Variants in TJP1 observed in about 807,000 individuals in gnomAD.
The protein encoded by TJP1 is tight junction protein ZO-1.
A neutral mutation model predicts 194.2 loss-of-function variants in TJP1; 43 were observed. The observed-to-expected ratio is 0.22, with a 90% CI of 0.17 to 0.29. The LOEUF is 0.29. Among genes scored for constraint, TJP1 ranks in the 10% least tolerant of loss-of-function variants. The pLI is 1.00. For missense variants in TJP1, 1,971 were observed against 2,185.7 expected (o/e 0.90, Z 1.96); for synonymous variants, 801 against 779.0 (o/e 1.03, Z -0.47).
chr15:29,792,575 G>T (rs1412590749), intron 2 of TJP1, among the ~76,000 whole-genome samples: 1 of 152,146 alleles, frequency 6.6e-6, no homozygotes, highest in Non-Finnish European at 1.5e-5. Context: ...CCTACTCTGG[G>T]TCTTTGTGGT....
At chr15:29,941,137 C>G (rs777269918) in intron 2 of TJP1, among the ~76,000 whole-genome samples, 1 of 152,214 alleles carries the variant, frequency 6.6e-6, no homozygotes, top group African/African-American at 2.4e-5. Context: ...TCTACTTCCA[C>G]CTCTGCAAAT....
chr15:29,861,864 T>C (rs1484775789), intron 2 of TJP1, among the ~76,000 whole-genome samples: 1 of 152,136 alleles, frequency 6.6e-6, no homozygotes, highest in Non-Finnish European at 1.5e-5. Context: ...TTGTACCTAT[T>C]TTTTTTCTTT....
intron 8 of TJP1, among the ~76,000 whole-genome samples, chr15:29,747,323 C>A (rs1266013576): frequency 6.6e-6 from 1 of 152,006 alleles, no homozygotes. Context: ...TGTAAAAGAT[C>A]AAAATTTTTA....
chr15:29,948,260 CAAAA>C (rs35983966), intron 2 of TJP1, among the ~76,000 whole-genome samples: 4 of 95,306 alleles, frequency 4.2e-5, no homozygotes, highest in Admixed American at 1.1e-4. Context: ...CACTCCATCA[CAAAA>C]AAAAAAAAAA....
At chr15:29,807,005 A>G (rs1402120228) in intron 1 of TJP1, among the ~76,000 whole-genome samples, 2 of 152,214 alleles carry the variant, frequency 1.3e-5, no homozygotes, top group Non-Finnish European at 1.5e-5. Flanking sequence ...TAAAATAATG[A>G]TCAAAATAAG....
intron 2 of TJP1, among the ~76,000 whole-genome samples, chr15:29,798,237 C>A (rs2048542259): frequency 6.7e-6 from 1 of 149,936 alleles, no homozygotes; most frequent in African/African-American, 2.4e-5. Context: ...TCCCAAAGTG[C>A]TGGGATTACA....
intron 2 of TJP1, among the ~76,000 whole-genome samples, chr15:29,895,233 G>T (rs1487298884): frequency 6.6e-6 from 1 of 152,146 alleles, no homozygotes; most frequent in African/African-American, 2.4e-5. Context: ...GTTTAGAATT[G>T]TCCAAATATT....
intron 2 of TJP1, among the ~76,000 whole-genome samples, chr15:29,888,232 T>G (rs1330930136): frequency 1.1e-4 from 16 of 152,150 alleles, no homozygotes; most frequent in Admixed American, 7.9e-4. Flanking sequence ...AAATATTTAT[T>G]TAAACACTAT....
At chr15:29,771,697 C>T (rs1162319398) in intron 4 of TJP1, among the ~76,000 whole-genome samples, 1 of 151,470 alleles carries the variant, frequency 6.6e-6, no homozygotes, top group Non-Finnish European at 1.5e-5. Context: ...CCCAGCTACT[C>T]AGGAGGCTGA....
intron 1 of TJP1, among the ~76,000 whole-genome samples, chr15:29,959,532 G>A (rs2056079203): frequency 1.3e-5 from 2 of 152,004 alleles, no homozygotes; most frequent in Non-Finnish European, 2.9e-5. Context: ...CTGCCTTCAG[G>A]AACTCTGGCA....
chr15:29,968,104 G>C (rs1411062580), intron 1 of TJP1: 3 of 985,322 alleles, frequency 3.0e-6, no homozygotes, highest in Non-Finnish European at 3.6e-6. Context: ...CATTACCTCA[G>C]TAACAGTTTC....
intron 18 of TJP1, among the ~76,000 whole-genome samples, chr15:29,723,233 A>G (rs1460607993): frequency 6.6e-6 from 1 of 152,218 alleles, no homozygotes; most frequent in Non-Finnish European, 1.5e-5. Context: ...GTCCCCACCC[A>G]CATCTCATGT....
At chr15:29,787,809 G>A (rs998134759) in intron 2 of TJP1, among the ~76,000 whole-genome samples, 1 of 152,052 alleles carries the variant, frequency 6.6e-6, no homozygotes, top group African/African-American at 2.4e-5. Flanking sequence ...AACTTATTAT[G>A]TAGACATTTG....
At chr15:29,802,834 T>G (rs2048876533) in intron 1 of TJP1, among the ~76,000 whole-genome samples, 1 of 152,210 alleles carries the variant, frequency 6.6e-6, no homozygotes, top group African/African-American at 2.4e-5. Flanking sequence ...CTTTTTAATC[T>G]TTTTCCTATC....
rs2050459623 is a variant in TJP1, at chr15:29,822,390, CG to C, written c.-363del. The C allele has an allele frequency of 9.9e-7, 1 of 1,008,972 alleles. No individual in the cohort carries two copies. Among genetic ancestry groups the C allele is most frequent in the African/African-American group, 1.7e-5 (1 of 58,124 alleles). The allele number at this position is 1,008,972 out of a possible 1,614,324, so 62.5% of individuals were successfully genotyped here. ...GTCTCCTCGGAAGCCGGCTTCGCCA[CG>C]TAACTTCCCGGGAACCGGCGGCCGC... is the stretch of plus-strand genomic sequence containing the variant. On this transcript the variant is annotated 5_prime_UTR_variant, in exon 1 of 28. Coordinates refer to ENST00000614355, the MANE Select transcript of TJP1 (RefSeq NM_001330239.4).
intron 2 of TJP1, among the ~76,000 whole-genome samples, chr15:29,828,205 T>G (rs1344345531): frequency 6.6e-6 from 1 of 152,138 alleles, no homozygotes; most frequent in African/African-American, 2.4e-5. Context: ...ATGTATGGTT[T>G]TGTGTGTTTT....
At chr15:29,784,912 A>AT (rs2047604806) in intron 2 of TJP1, among the ~76,000 whole-genome samples, 2 of 152,166 alleles carry the variant, frequency 1.3e-5, no homozygotes, top group Admixed American at 1.3e-4. Context: ...GCAAAAAAAA[A>AT]TTTTTACTGT....
At chr15:29,783,647 T>C (rs1233616917) in intron 2 of TJP1, among the ~76,000 whole-genome samples, 1 of 152,244 alleles carries the variant, frequency 6.6e-6, no homozygotes, top group Non-Finnish European at 1.5e-5. Flanking sequence ...AATAAGATCA[T>C]GTCCTTTGCA....
chr15:29,795,359 G>C (rs140329355), intron 2 of TJP1, among the ~76,000 whole-genome samples: 81 of 151,046 alleles, frequency 5.4e-4, no homozygotes, highest in African/African-American at 1.8e-3. Flanking sequence ...AGAGGTTGCA[G>C]TGAGCCATGA....
Sources: gnomAD v4.1 joint callset for allele counts (sites outside exome capture counted in the v4.1 genomes callset) on GRCh38, gnomAD v4.1.1 for gene constraint, MANE v1.5 for transcripts, NCBI Gene and HGNC (gene_info 2026-07-23, HGNC 2026-07-21) for gene names.